Variants in AFAP1 observed in about 807,000 individuals in gnomAD.
AFAP1 encodes actin filament associated protein 1, also known as actin filament-associated protein 1.
Under a neutral mutation model 93.9 loss-of-function variants are expected in AFAP1, and 75 were observed. The ratio of observed to expected loss-of-function variants is 0.80; its 90% confidence interval spans 0.66 to 0.97. The LOEUF (loss-of-function observed/expected upper bound fraction) is 0.97, where lower values mean the gene tolerates loss of function less well. Ranked by LOEUF, AFAP1 falls within the 50% of genes least tolerant of loss-of-function variation. AFAP1 has a pLI of 0.00. For missense variants in AFAP1, 1,201 were observed against 1,050.8 expected, an observed-to-expected ratio of 1.14 and a Z score of -1.98; for synonymous variants, 517 against 430.7, an observed-to-expected ratio of 1.20 and a Z score of -2.48.
intron 12 of AFAP1, 44 bp from the exon 13 acceptor site, chr4:7,781,671 A>C: frequency 6.5e-7 from 1 of 1,545,160 alleles, no homozygotes; most frequent in South Asian, 1.2e-5. Context: ...GGACACAGGA[A>C]ACAGCAGCTT....
intron 2 of AFAP1, among the ~76,000 whole-genome samples, chr4:7,871,258 T>A (rs1717011735): frequency 6.6e-6 from 1 of 152,210 alleles, no homozygotes; most frequent in Non-Finnish European, 1.5e-5. Flanking sequence ...CTGGCTGGCC[T>A]CTGGGAACGT....
intron 1 of AFAP1, among the ~76,000 whole-genome samples, chr4:7,925,735 C>T (rs1029701567): frequency 1.3e-5 from 2 of 152,068 alleles, no homozygotes; most frequent in African/African-American, 4.8e-5. Context: ...ATCCCAGCTA[C>T]TTGGCAGGCT....
At chr4:7,770,562 A>AG (rs907157200) in intron 16 of AFAP1, among the ~76,000 whole-genome samples, 3 of 152,088 alleles carry the variant, frequency 2.0e-5, no homozygotes, top group African/African-American at 7.2e-5. Flanking sequence ...CACCAGGGGG[A>AG]GCAGGAGGCC....
chr4:7,801,336 G>C (rs1035217038), intron 9 of AFAP1, among the ~76,000 whole-genome samples: 20 of 152,086 alleles, frequency 1.3e-4, no homozygotes, highest in South Asian at 2.1e-4. Flanking sequence ...GAATCTTCAT[G>C]AAAGTTTGTG....
chr4:7,826,288 CAG>C (rs1431932403), intron 6 of AFAP1, among the ~76,000 whole-genome samples: 12 of 152,230 alleles, frequency 7.9e-5, no homozygotes, highest in African/African-American at 2.4e-4. Flanking sequence ...GGCAAGGAAA[CAG>C]AGTTTGGAGA....
intron 2 of AFAP1, among the ~76,000 whole-genome samples, chr4:7,869,004 AGAAAGGGAAAGG>A (rs201461909): frequency 6.6e-6 from 1 of 151,204 alleles, no homozygotes; most frequent in Admixed American, 6.6e-5. Context: ...AAAGAGAAAG[AGAAAGGGAAAGG>A]GAAAGGGAAA....
intron 1 of AFAP1, among the ~76,000 whole-genome samples, chr4:7,926,009 C>A (rs368679237): frequency 1.2e-4 from 19 of 152,206 alleles, no homozygotes; most frequent in African/African-American, 4.6e-4. Context: ...AGCTGCCCAA[C>A]AGCTGTGAGT....
intron 3 of AFAP1, among the ~76,000 whole-genome samples, chr4:7,860,509 T>A (rs186243426): frequency 1.4e-4 from 21 of 152,316 alleles, no homozygotes; most frequent in African/African-American, 5.1e-4. Flanking sequence ...TGTCCTGGGA[T>A]GCTTGATACA....
chr4:7,932,979 C>T (rs969056976), intron 1 of AFAP1, among the ~76,000 whole-genome samples: 40 of 137,568 alleles, frequency 2.9e-4, no homozygotes, highest in African/African-American at 1.1e-3. Flanking sequence ...GAGATCGCGC[C>T]ACTGCACTCC....
At chr4:7,902,000 T>C (rs1405870923) in intron 1 of AFAP1, among the ~76,000 whole-genome samples, 2 of 152,344 alleles carry the variant, frequency 1.3e-5, no homozygotes, top group South Asian at 2.1e-4. Flanking sequence ...AATTTGCTTA[T>C]ATAATTTTTT....
intron 1 of AFAP1, among the ~76,000 whole-genome samples, chr4:7,932,612 G>A (rs945721255): frequency 3.3e-5 from 5 of 152,070 alleles, no homozygotes; most frequent in African/African-American, 4.8e-5. Flanking sequence ...ATGTAATCAG[G>A]GCAGGCCATC....
chr4:7,858,786 G>A (rs533621526), intron 3 of AFAP1, among the ~76,000 whole-genome samples: 12 of 152,210 alleles, frequency 7.9e-5, no homozygotes, highest in South Asian at 2.1e-4. Flanking sequence ...CAAGGGCATC[G>A]CATCAGAACA....
rs770523260 is a variant in AFAP1, at chr4:7,855,504, G to A, written c.296C>T (p.Pro99Leu). ...LPEGYYEEAV[P>L]LSPGKAPEYI... The stretch of plus-strand genomic sequence containing the variant: ...TTCCGGAGCTTTTCCGGGGCTCAGC[G>A]GCACAGCTTCCTCATAATAACCTTC... Residue 99 changes from proline (P) to leucine (L), a missense_variant, in exon 4 of 18, where the codon CCG (proline) becomes CTG (leucine). Coordinates refer to ENST00000420658, the MANE Select transcript of AFAP1 (RefSeq NM_001134647.2). 2.5e-6 allele frequency: 4 copies of A among 1,613,726 alleles called. No homozygotes were observed. Among genetic ancestry groups the A allele is most frequent in the African/African-American group, 1.3e-5 (1 of 75,004 alleles).
chr4:7,771,382 G>A (rs1715413205), intron 16 of AFAP1, among the ~76,000 whole-genome samples: 1 of 152,046 alleles, frequency 6.6e-6, no homozygotes, highest in Admixed American at 6.5e-5. Flanking sequence ...ATATTAAATA[G>A]TATGTATCGT....
In AFAP1 at chr4:7,763,716, C is replaced by G; in HGVS notation, c.*49G>C. The G allele has an allele frequency of 6.4e-7, 1 of 1,550,548 alleles. No individual in the cohort carries two copies. Among genetic ancestry groups the G allele is most frequent in the Non-Finnish European group, 8.7e-7 (1 of 1,146,052 alleles). On this transcript the variant is annotated 3_prime_UTR_variant, in exon 18 of 18. Transcript: ENST00000420658. ...TCCTGCCGTCACACAGATGAGGATA[C>G]AGGCAAGGGGGTGTGCAGTCTCTGA...
chr4:7,915,788 G>C (rs1225104746), intron 1 of AFAP1, among the ~76,000 whole-genome samples: 1 of 152,156 alleles, frequency 6.6e-6, no homozygotes, highest in Non-Finnish European at 1.5e-5. Flanking sequence ...TCAATGGAGA[G>C]TAGCTGGTAT....
Position 7,770,675 on chromosome 4 carries a change from C to G in AFAP1, c.2254-1667G>C, listed in dbSNP as rs1244759168. ...TGAAGACACAGGAGAAGGATCCTCC[C>G]AGGTGTCTGGAGGTCAGGAAGGATG... On this transcript the variant is annotated intron_variant, in intron 16 of 17. Coordinates refer to ENST00000420658, the MANE Select transcript of AFAP1 (RefSeq NM_001134647.2). Among the ~76,000 whole-genome samples the G allele has an allele frequency of 2.6e-5, 4 of 152,086 alleles. No homozygotes were observed. In the East Asian group the frequency reaches 7.7e-4, roughly 29 times the overall value.
intron 1 of AFAP1, among the ~76,000 whole-genome samples, chr4:7,925,525 C>T (rs1172191782): frequency 6.6e-6 from 1 of 151,954 alleles, no homozygotes; most frequent in African/African-American, 2.4e-5. Flanking sequence ...CCAGCCTGAC[C>T]AACAAGGAAA....
intron 6 of AFAP1, among the ~76,000 whole-genome samples, chr4:7,836,713 G>T (rs1454159199): frequency 6.6e-6 from 1 of 152,150 alleles, no homozygotes; most frequent in East Asian, 1.9e-4. Flanking sequence ...CTCCCAAAGT[G>T]CTGGGATTAC....
Sources: gnomAD v4.1 joint callset for allele counts (sites outside exome capture counted in the v4.1 genomes callset) on GRCh38, gnomAD v4.1.1 for gene constraint, MANE v1.5 for transcripts, NCBI Gene and HGNC (gene_info 2026-07-23, HGNC 2026-07-21) for gene names.